SEMA3C: variants seen among roughly 807,000 people sequenced by gnomAD.
The protein encoded by SEMA3C is semaphorin-3C.
A neutral mutation model predicts 89.4 loss-of-function variants in SEMA3C; 47 were observed. That is an observed-to-expected ratio of 0.53 (90% confidence interval 0.42 to 0.67). The LOEUF is 0.67. SEMA3C is among the 30% of genes least tolerant of loss of function. SEMA3C has a pLI of 0.00. For missense variants in SEMA3C, 839 were observed against 929.1 expected, an observed-to-expected ratio of 0.90 and a Z score of 1.26; for synonymous variants, 310 against 320.2, an observed-to-expected ratio of 0.97 and a Z score of 0.34.
At chr7:80,838,068 C>G in intron 2 of SEMA3C, among the ~76,000 whole-genome samples, 1 of 151,952 alleles carries the variant, frequency 6.6e-6, no homozygotes, top group Admixed American at 6.6e-5. Context: ...ATAAACCAAT[C>G]AAATGGAAAA....
At chr7:80,819,519 C>T (rs1789694635) in intron 4 of SEMA3C, among the ~76,000 whole-genome samples, 1 of 152,170 alleles carries the variant, frequency 6.6e-6, no homozygotes, top group Non-Finnish European at 1.5e-5. Context: ...CAATGGCAGA[C>T]ACTATTCACC....
intron 2 of SEMA3C, among the ~76,000 whole-genome samples, chr7:80,874,462 A>ATTTAT (rs985595747): frequency 8.6e-5 from 13 of 150,944 alleles, no homozygotes; most frequent in Admixed American, 1.3e-4. Flanking sequence ...TTATTTATTT[A>ATTTAT]TTTATTTATT....
intron 2 of SEMA3C, among the ~76,000 whole-genome samples, chr7:80,901,275 C>T (rs1791873762): frequency 6.6e-6 from 1 of 152,136 alleles, no homozygotes; most frequent in Non-Finnish European, 1.5e-5. Flanking sequence ...CTATCCTTGA[C>T]TATGTGATTC....
At chr7:80,765,652 C>G (rs977836658) in intron 12 of SEMA3C, among the ~76,000 whole-genome samples, 1 of 152,172 alleles carries the variant, frequency 6.6e-6, no homozygotes, top group Non-Finnish European at 1.5e-5. Context: ...TCTTGGGTCA[C>G]TGCAACCTCC....
In SEMA3C at chr7:80,916,800, T is replaced by G; in HGVS notation, c.-19A>C. The G allele has an allele frequency of 6.2e-7, 1 of 1,612,786 alleles. No individual in the cohort carries two copies. The highest frequency in any genetic ancestry group is 8.5e-7 in the Non-Finnish European group (1 of 1,179,424). ...ATGCCATTTCTTCAGATATGCAAGT[T>G]AATATCCAAGGGAAAATACCTTTAA... is the stretch of plus-strand genomic sequence containing the variant. On this transcript the variant is annotated 5_prime_UTR_variant, in exon 2 of 18. Transcript: ENST00000265361.
At chr7:80,879,442 G>A (rs1480210914) in intron 2 of SEMA3C, among the ~76,000 whole-genome samples, 1 of 152,096 alleles carries the variant, frequency 6.6e-6, no homozygotes. Flanking sequence ...GAGAGATGTG[G>A]GTGTAGTAAG....
chr7:80,779,704 G>C (rs1788649773), intron 12 of SEMA3C, among the ~76,000 whole-genome samples: 1 of 152,158 alleles, frequency 6.6e-6, no homozygotes, highest in Non-Finnish European at 1.5e-5. Flanking sequence ...TCATGCTCTT[G>C]TATAACTCCT....
At chr7:80,841,265 T>C (rs1010713330) in intron 2 of SEMA3C, among the ~76,000 whole-genome samples, 3 of 152,150 alleles carry the variant, frequency 2.0e-5, no homozygotes, top group Non-Finnish European at 2.9e-5. Flanking sequence ...CAATATTAAG[T>C]GAGTAAAGCA....
At chr7:80,893,814 GA>G in intron 2 of SEMA3C, among the ~76,000 whole-genome samples, 1 of 151,998 alleles carries the variant, frequency 6.6e-6, no homozygotes, top group South Asian at 2.1e-4. Flanking sequence ...ATAATTCCTG[GA>G]AAAGAAAAAC....
At position 80,800,776 on chromosome 7, in the gene SEMA3C, C is replaced by A; in HGVS notation, c.967G>T (p.Gly323Cys). Residue 323 changes from glycine to cysteine, a missense_variant, in exon 10 of 18, where the codon GGC (glycine) becomes TGC (cysteine). Coordinates refer to ENST00000265361, the MANE Select transcript of SEMA3C (RefSeq NM_006379.5). ...AATTACCTTGATGTTGTAAAAATGCCATACACTAGTGTTGTCCTCGGGTTA... is the reference window on the plus strand; with the variant it reads ...AATTACCTTGATGTTGTAAAAATGCAATACACTAGTGTTGTCCTCGGGTTA... ...TDNPRTTLVYGIFTTSSSVFK... is the reference protein window; with the variant it reads ...TDNPRTTLVYCIFTTSSSVFK... The A allele has an allele frequency of 6.5e-7, 1 of 1,530,738 alleles. No individual in the cohort carries two copies. Among genetic ancestry groups the A allele is most frequent in the South Asian group, 1.2e-5 (1 of 80,026 alleles). The allele number at this position is 1,530,738 out of a possible 1,614,324, so 94.8% of individuals were successfully genotyped here.
At chr7:80,847,099 A>C (rs1454165976) in intron 2 of SEMA3C, among the ~76,000 whole-genome samples, 1 of 152,176 alleles carries the variant, frequency 6.6e-6, no homozygotes, top group East Asian at 1.9e-4. Flanking sequence ...TAGTTTAGAG[A>C]GACTGGAAGG....
chr7:80,803,921 TA>T (rs1427102396), intron 8 of SEMA3C, among the ~76,000 whole-genome samples, 184 bp downstream of exon 8: 3 of 151,980 alleles, frequency 2.0e-5, no homozygotes, highest in Non-Finnish European at 4.4e-5. Flanking sequence ...GGGTTGGGGT[TA>T]TAAACACTAT....
chr7:80,758,591 T>C, intron 14 of SEMA3C, 103 bp from the exon 15 acceptor site: 1 of 1,147,768 alleles, frequency 8.7e-7, no homozygotes, highest in East Asian at 2.4e-5. Flanking sequence ...TGGATTCATT[T>C]TGGAACCGAT....
intron 2 of SEMA3C, among the ~76,000 whole-genome samples, chr7:80,842,017 T>G (rs1433086886): frequency 6.6e-6 from 1 of 152,170 alleles, no homozygotes; most frequent in Non-Finnish European, 1.5e-5. Context: ...AGCTCCCTTT[T>G]CTCCTTTTTT....
At chr7:80,810,541 G>C in intron 6 of SEMA3C, 70 bp downstream of exon 6, 2 of 1,185,040 alleles carry the variant, frequency 1.7e-6, no homozygotes, top group East Asian at 2.4e-5. Context: ...ATCAAGAATA[G>C]GTATACCATG....
chr7:80,839,847 C>T (rs148707426), intron 2 of SEMA3C, among the ~76,000 whole-genome samples: 2 of 151,826 alleles, frequency 1.3e-5, no homozygotes, highest in African/African-American at 4.8e-5. Flanking sequence ...TAAGTGACCA[C>T]ACTGGAACCA....
intron 2 of SEMA3C, among the ~76,000 whole-genome samples, chr7:80,878,638 G>A (rs1178384957): frequency 6.6e-6 from 1 of 152,056 alleles, no homozygotes; most frequent in Non-Finnish European, 1.5e-5. Context: ...TTAAGTCTGA[G>A]GGTGCCTATG....
At chr7:80,862,911 T>A (rs531819760) in intron 2 of SEMA3C, among the ~76,000 whole-genome samples, 1 of 152,226 alleles carries the variant, frequency 6.6e-6, no homozygotes, top group Non-Finnish European at 1.5e-5. Flanking sequence ...TGAAACTGGA[T>A]CCTCATCTCT....
intron 2 of SEMA3C, among the ~76,000 whole-genome samples, chr7:80,837,005 TC>T (rs1235211782): frequency 6.6e-6 from 1 of 152,218 alleles, no homozygotes; most frequent in African/African-American, 2.4e-5. Flanking sequence ...TTTAACCCTT[TC>T]CCATTTAGAA....
Sources: allele counts gnomAD v4.1 joint callset (sites outside exome capture counted in the v4.1 genomes callset), GRCh38; gene constraint gnomAD v4.1.1; transcripts MANE v1.5; gene names NCBI Gene and HGNC (gene_info 2026-07-23, HGNC 2026-07-21).